Variants in CLSTN3 observed in about 807,000 individuals in gnomAD.
CLSTN3 encodes calsyntenin-3.
In CLSTN3, 36 loss-of-function variants were observed where a neutral mutation model predicts 95.9. That is an observed-to-expected ratio of 0.38 (90% CI 0.29 to 0.50). CLSTN3 has a LOEUF of 0.50. Ranked by LOEUF, CLSTN3 falls within the 20% of genes least tolerant of loss-of-function variation. The pLI, the probability that CLSTN3 is intolerant of heterozygous loss-of-function variation, is 0.95. For missense variants in CLSTN3, 1,084 were observed against 1,268.8 expected, an observed-to-expected ratio of 0.85 and a Z score of 2.21; for synonymous variants, 481 against 504.0, an observed-to-expected ratio of 0.95 and a Z score of 0.61.
intron 1 of CLSTN3, chr12:7,131,664 G>C (rs1246035975): frequency 2.4e-6 from 1 of 415,784 alleles, no homozygotes; most frequent in East Asian, 7.2e-5. Flanking sequence ...AGCAGGGTGG[G>C]AGGGGGAGCT....
chr12:7,155,918 G>T, intron 16 of CLSTN3: 1 of 265,432 alleles, frequency 3.8e-6, no homozygotes, highest in Non-Finnish European at 7.4e-6. Flanking sequence ...TGAGTGTGCT[G>T]GCTGCTGGGG....
upstream of CLSTN3, chr12:7,130,308 C>A (rs1162175001): frequency 1.1e-5 from 10 of 920,090 alleles, no homozygotes; most frequent in South Asian, 2.1e-5. Flanking sequence ...CCTGGTCCCC[C>A]CCCCTCCCAG....
In CLSTN3 at chr12:7,146,288, T is replaced by C. The variant is rs767652837; in HGVS notation, c.1848-2684T>C. Among the ~76,000 whole-genome samples the C allele has an allele frequency of 2.0e-4, 31 of 152,238 alleles. 1 individual carries two copies. In the East Asian group the frequency reaches 5.8e-3, roughly 28 times the overall value. On this transcript the variant is annotated intron_variant, in intron 12 of 17. Transcript: ENST00000266546. Reference sequence around the variant, plus strand: ...CAGACCGCAAGTCTGTAGTCCCAGCTACTCAGGAGGCTGAGGTGGGAGAAT... The same window carrying C: ...CAGACCGCAAGTCTGTAGTCCCAGCCACTCAGGAGGCTGAGGTGGGAGAAT...
At position 7,141,310 on chromosome 12, in the gene CLSTN3, C is replaced by T. The variant is rs149721212; in HGVS notation, c.1392C>T (p.Asp464=). The change falls in exon 9 of 18, where the codon GAC becomes GAT. Residue 464 remains aspartate (D), a synonymous_variant. Coordinates refer to ENST00000266546, the MANE Select transcript of CLSTN3 (RefSeq NM_014718.4). The surrounding 1 kb of genome is among the most constrained non-coding windows in gnomAD (Gnocchi z 4.1). The part of the protein sequence containing the change: ...LEFPTVTLYT[D]GISFDPALIH... ...TCCCCACAGTCACACTCTATACCGA[C>T]GGCATCTCCTTCGACCCTGCCCTCA... 1.9e-5 allele frequency: 30 copies of T among 1,614,062 alleles called. No individual in the cohort carries two copies. In the African/African-American group the frequency reaches 2.3e-4, roughly 12 times the overall value.
intron 16 of CLSTN3, chr12:7,151,270 C>A: frequency 1.9e-6 from 1 of 521,666 alleles, no homozygotes; most frequent in Non-Finnish European, 3.2e-6. Context: ...AGAACATGAG[C>A]CTTGTGTCAT....
At chr12:7,143,057 C>A (rs774941167) in intron 11 of CLSTN3, 31 bp downstream of exon 11, 7 of 1,602,488 alleles carry the variant, frequency 4.4e-6, no homozygotes, top group Non-Finnish European at 6.0e-6. Flanking sequence ...CCTGTTCTTC[C>A]CAGCATGCCC....
Position 7,136,241 on chromosome 12 carries a change from G to A in CLSTN3, c.778G>A (p.Gly260Arg), listed in dbSNP as rs768043934. ...AAGGATCGAATATGCACCAGGTGCT[G>A]GGAGCTTGGCTTTGTTCCCTGGTAT... The part of the protein sequence containing the change: ...NKRIEYAPGA[G>R]SLALFPGIRL... Residue 260 changes from glycine to arginine, a missense_variant, in exon 6 of 18, where the codon GGG (glycine) becomes AGG (arginine). By Grantham distance (125) the Gly-to-Arg change is moderately radical (BLOSUM62 -2). Transcript: ENST00000266546. 16 of 1,614,176 alleles carry A rather than the reference G, an allele frequency of 9.9e-6. 1 individual carries two copies. In the South Asian group the frequency reaches 1.6e-4, roughly 17 times the overall value.
At chr12:7,145,593 G>A (rs1292233006) in intron 12 of CLSTN3, among the ~76,000 whole-genome samples, 7 of 151,038 alleles carry the variant, frequency 4.6e-5, no homozygotes, top group African/African-American at 1.7e-4. Context: ...TTCTTGGAAA[G>A]CCCATTTACT....
At chr12:7,155,509 G>T (rs1312689090) in intron 16 of CLSTN3, among the ~76,000 whole-genome samples, 1 of 152,232 alleles carries the variant, frequency 6.6e-6, no homozygotes, top group African/African-American at 2.4e-5. Flanking sequence ...CACTCTGAGG[G>T]TGGGGTCACC....
At chr12:7,154,757 T>C (rs976546979) in intron 16 of CLSTN3, among the ~76,000 whole-genome samples, 9 of 152,128 alleles carry the variant, frequency 5.9e-5, no homozygotes, top group African/African-American at 2.2e-4. Flanking sequence ...TACAAGTATC[T>C]GAAGCTTTGC....
intron 1 of CLSTN3, chr12:7,131,363 G>A: frequency 4.4e-6 from 1 of 225,340 alleles, no homozygotes; most frequent in South Asian, 6.4e-5. Context: ...CAGGTAGGTG[G>A]AAACGGATGG....
rs766406485 is a variant in CLSTN3 at position 7,134,258 on chromosome 12, G to A, written c.383+490G>A. On this transcript the variant is annotated intron_variant, in intron 3 of 17. Transcript: ENST00000266546. ...CTGCCCCCTCCAGTCTATTTGCAGT[G>A]TATACCACACACACGATCCCTATCA... Among the ~76,000 whole-genome samples, 9 of 152,312 alleles carry A rather than the reference G, an allele frequency of 5.9e-5. No individual in the cohort carries two copies. In the East Asian group the frequency reaches 9.6e-4, roughly 16 times the overall value.
In CLSTN3 at chr12:7,157,380, C is replaced by G. The variant is rs747375726; in HGVS notation, c.2528-109C>G. The G allele has an allele frequency of 1.4e-5, 13 of 934,354 alleles. No individual in the cohort carries two copies. In the Admixed American group the frequency reaches 1.4e-4, roughly 10 times the overall value. The allele number at this position is 934,354 out of a possible 1,614,324, so 57.9% of individuals were successfully genotyped here. A position where few individuals can be genotyped will look rare whatever the true frequency, so the allele number is the denominator to read the frequency against. On this transcript the variant is annotated intron_variant, in intron 16 of 17. Coordinates refer to ENST00000266546, the MANE Select transcript of CLSTN3 (RefSeq NM_014718.4). The surrounding 1 kb of genome is among the most constrained non-coding windows in gnomAD (Gnocchi z 5.9). ...CTCTTCTCGGCCACCGTGTGTTCTGCCCTGGGAGTCCTTCAGCCCGGGCTG... is the reference window on the plus strand; with the variant it reads ...CTCTTCTCGGCCACCGTGTGTTCTGGCCTGGGAGTCCTTCAGCCCGGGCTG...
upstream of CLSTN3, chr12:7,129,518 A>G (rs1939238284): frequency 8.4e-6 from 6 of 715,088 alleles, no homozygotes; most frequent in Non-Finnish European, 1.0e-5. The surrounding 1 kb of genome is among the most constrained non-coding windows in gnomAD (Gnocchi z 5.5). Flanking sequence ...TTTGTTGGCT[A>G]TTCTGGAGAA....
rs1306766826 is a variant in CLSTN3, at chr12:7,137,781, TGTGTGTGTGTGTGTGAGAGAGAGAGA to T, written c.1211-172_1211-147del. ...ATGTGTGTGTGTGTGTGTGTGTGTGTGTGTGTGTGTGTGTGAGAGAGAGAGAGAGAGAGAGAGAGAGGAAAGAAAAA... is the reference window on the plus strand; with the variant it reads ...ATGTGTGTGTGTGTGTGTGTGTGTGTGAGAGAGAGAGAGAGGAAAGAAAAA... On this transcript the variant is annotated intron_variant, in intron 7 of 17. Coordinates refer to ENST00000266546, the MANE Select transcript of CLSTN3 (RefSeq NM_014718.4). This position sits in a 1 kb window ranked among gnomAD's most constrained non-coding sequence, Gnocchi z 4.4. Among the ~76,000 whole-genome samples the T allele has an allele frequency of 1.8e-5, 2 of 109,172 alleles. No homozygotes were observed. Among genetic ancestry groups the T allele is most frequent in the Middle Eastern group, 4.9e-3 (1 of 206 alleles). 71.6% of individuals were successfully genotyped at this position (109,172 alleles called of 152,430 possible).
chr12:7,135,378 T>C lies in CLSTN3; in HGVS notation c.435T>C (p.Phe145=), dbSNP rs749024109. ...ATGTGAACGAGTTTGCCCCAGTGTTTGTGGAACGGCTGTATCGTGCGGCTG... is the reference window on the plus strand; with the variant it reads ...ATGTGAACGAGTTTGCCCCAGTGTTCGTGGAACGGCTGTATCGTGCGGCTG... ...VNDVNEFAPV[F]VERLYRAAVT... The change falls in exon 4 of 18, where the codon TTT becomes TTC. Residue 145 remains phenylalanine, a synonymous_variant. Transcript: ENST00000266546. 3.1e-6 allele frequency: 5 copies of C among 1,614,174 alleles called. No homozygotes were observed. In the Admixed American group the frequency reaches 6.7e-5, roughly 22 times the overall value.
Position 7,136,330 on chromosome 12 carries a change from C to G in CLSTN3, c.867C>G (p.Ser289Arg), listed in dbSNP as rs1257853918. ...NIQATIELQTSHVAKGCDRDN... is the reference protein window; with the variant it reads ...NIQATIELQTRHVAKGCDRDN... ...AGGCCACCATAGAGCTGCAGACCAG[C>G]CATGTGGCCAAGGGCTGTGACCGTG... is the stretch of plus-strand genomic sequence containing the variant. Residue 289 changes from serine (S) to arginine (R), a missense_variant, in exon 6 of 18, where the codon AGC (serine) becomes AGG (arginine). Physicochemically the swap from Ser to Arg is moderately radical, Grantham distance 110 (BLOSUM62 -1). Transcript: ENST00000266546. The G allele has an allele frequency of 6.2e-7, 1 of 1,614,160 alleles. No individual in the cohort carries two copies. The highest frequency in any genetic ancestry group is 8.5e-7 in the Non-Finnish European group (1 of 1,180,012).
intron 12 of CLSTN3, 39 bp from the exon 13 acceptor site, chr12:7,148,933 G>A (rs1939673132): frequency 6.4e-7 from 1 of 1,565,472 alleles, no homozygotes; most frequent in East Asian, 2.2e-5. Context: ...GGGAGGAAGT[G>A]TTGGGGTCAC....
rs71067156 is a variant in CLSTN3, at chr12:7,137,795, TGAGAGAGA to T, written c.1211-140_1211-133del. Among the ~76,000 whole-genome samples the T allele has an allele frequency of 2.8e-5, 2 of 70,610 alleles. No homozygotes were observed. Among genetic ancestry groups the T allele is most frequent in the Non-Finnish European group, 2.7e-5 (1 of 37,358 alleles). The allele number at this position is 70,610 out of a possible 152,430, so 46.3% of individuals were successfully genotyped here. Reference sequence around the variant, plus strand: ...GTGTGTGTGTGTGTGTGTGTGTGTGTGAGAGAGAGAGAGAGAGAGAGAGAGAGGAAAGA... The same window carrying T: ...GTGTGTGTGTGTGTGTGTGTGTGTGTGAGAGAGAGAGAGAGAGAGGAAAGA... On this transcript the variant is annotated intron_variant, in intron 7 of 17. Transcript: ENST00000266546. The surrounding 1 kb of genome is among the most constrained non-coding windows in gnomAD (Gnocchi z 4.4).
Sources: allele counts gnomAD v4.1 joint callset (sites outside exome capture counted in the v4.1 genomes callset), GRCh38; gene constraint gnomAD v4.1.1; non-coding constraint Gnocchi (gnomAD v3.1); transcripts MANE v1.5; gene names NCBI Gene and HGNC (gene_info 2026-07-23, HGNC 2026-07-21).